The following NCOA4 variants were observed in gnomAD, a reference collection of about 807,000 sequenced individuals.
NCOA4 encodes the protein nuclear receptor coactivator 4, also known as 70 kDa AR-activator.
A neutral mutation model predicts 69.5 loss-of-function variants in NCOA4; 31 were observed. The observed-to-expected ratio is 0.45, with a 90% confidence interval of 0.34 to 0.60. NCOA4 has a LOEUF of 0.60. Among genes scored for constraint, NCOA4 ranks in the 20% least tolerant of loss-of-function variants. The pLI, the probability that NCOA4 is intolerant of heterozygous loss-of-function variation, is 0.02. For synonymous variants in NCOA4, 228 were observed against 252.4 expected, an observed-to-expected ratio of 0.90 and a Z score of 0.92; for missense variants, 600 against 719.2, an observed-to-expected ratio of 0.83 and a Z score of 1.90.
intron 1 of NCOA4, chr10:46,022,431 T>C (rs1294601841): frequency 6.5e-6 from 3 of 462,986 alleles, no homozygotes; most frequent in Non-Finnish European, 1.3e-5. Context: ...ACTTCACACG[T>C]TCTTTCTTCC....
intron 5 of NCOA4, among the ~76,000 whole-genome samples, chr10:46,014,030 ATT>A (rs58918538): frequency 1.4e-5 from 2 of 147,158 alleles, no homozygotes; most frequent in Non-Finnish European, 1.5e-5. Flanking sequence ...CAGAATATGA[ATT>A]TTTTTTTTTT....
At chr10:46,029,829 T>C (rs1840360444) in intron 1 of NCOA4, among the ~76,000 whole-genome samples, 1 of 152,162 alleles carries the variant, frequency 6.6e-6, no homozygotes, top group Non-Finnish European at 1.5e-5. Context: ...TAGGTGTCCA[T>C]TTTTTTCATT....
Position 46,020,706 on chromosome 10 carries a change from A to G in NCOA4, c.-14-4012T>C, listed in dbSNP as rs192711693. Among the ~76,000 whole-genome samples, 18 of 152,346 alleles carry G rather than the reference A, an allele frequency of 1.2e-4. 1 individual carries two copies. In the East Asian group the frequency reaches 2.3e-3, roughly 20 times the overall value. The stretch of plus-strand genomic sequence containing the variant: ...ATCTTTTATTTACTCCAAAAACTCA[A>G]TAGTCTAAATCCTCTAATATATACC... On this transcript the variant is annotated intron_variant, in intron 1 of 9. Transcript: ENST00000581486.
At chr10:46,024,433 TTC>T (rs1179904156) in intron 1 of NCOA4, among the ~76,000 whole-genome samples, 2 of 152,180 alleles carry the variant, frequency 1.3e-5, no homozygotes, top group East Asian at 1.9e-4. Context: ...ACGGTCTCTG[TTC>T]TCTCTCTAAA....
At chr10:46,028,762 A>G (rs1247838792) in intron 1 of NCOA4, among the ~76,000 whole-genome samples, 2 of 152,116 alleles carry the variant, frequency 1.3e-5, no homozygotes, top group African/African-American at 4.8e-5. Flanking sequence ...TGAGAACACA[A>G]TGGTGAGCTT....
chr10:46,023,313 T>C lies in NCOA4; in HGVS notation c.-14-6619A>G, dbSNP rs1839992281. 5 of 985,394 alleles carry C rather than the reference T, an allele frequency of 5.1e-6. No homozygotes were observed. The South Asian group carries it at 1.9e-4, about 37-fold the overall frequency. The allele number at this position is 985,394 out of a possible 1,614,324, so 61.0% of individuals were successfully genotyped here. A position where few individuals can be genotyped will look rare whatever the true frequency, so the allele number is the denominator to read the frequency against. On this transcript the variant is annotated intron_variant, in intron 1 of 9. Coordinates refer to ENST00000581486, the MANE Select transcript of NCOA4 (RefSeq NM_001145263.2). ...CCTCAAGGGCTCCCGCTACGGCCCCTGGGCTGCCAGACGTACCTCACAGGC... is the reference window on the plus strand; with the variant it reads ...CCTCAAGGGCTCCCGCTACGGCCCCCGGGCTGCCAGACGTACCTCACAGGC...
Position 46,011,001 on chromosome 10 carries a change from G to T in NCOA4, c.920C>A (p.Thr307Asn), listed in dbSNP as rs782289899. The T allele has an allele frequency of 6.2e-7, 1 of 1,613,958 alleles. No homozygotes were observed. Among genetic ancestry groups the T allele is most frequent in the Admixed American group, 1.7e-5 (1 of 60,020 alleles). The stretch of plus-strand genomic sequence containing the variant: ...CCGCAGCTTATGGGATTCCTGGGGA[G>T]TCACTAGCCAATCTGATAGGTCCAT... ...DEMDLSDWLV[T>N]PQESHKLRKP... Residue 307 changes from threonine (T) to asparagine (N), a missense_variant, in exon 8 of 10, where the codon ACT becomes AAT. By Grantham distance (65) the Thr-to-Asn change is moderately conservative (BLOSUM62 0). Transcript: ENST00000581486.
intron 1 of NCOA4, among the ~76,000 whole-genome samples, chr10:46,028,454 A>G (rs1840274755): frequency 6.6e-6 from 1 of 151,984 alleles, no homozygotes; most frequent in Non-Finnish European, 1.5e-5. Context: ...ATTTACATCT[A>G]GTCTACTATG....
intron 7 of NCOA4, among the ~76,000 whole-genome samples, chr10:46,012,441 T>C (rs1839290768): frequency 6.6e-6 from 1 of 152,138 alleles, no homozygotes; most frequent in Admixed American, 6.5e-5. Context: ...CCAGAAAAAC[T>C]TGAATTTAAA....
chr10:46,009,629 A>G, intron 8 of NCOA4, 78 bp from the exon 9 acceptor site: 1 of 1,319,496 alleles, frequency 7.6e-7, no homozygotes, highest in Non-Finnish European at 1.0e-6. Context: ...AATAGGGTCT[A>G]CAGAGAATAA....
At chr10:46,016,907 T>C (rs1226036858) in intron 1 of NCOA4, among the ~76,000 whole-genome samples, 4 of 152,216 alleles carry the variant, frequency 2.6e-5, no homozygotes, top group Non-Finnish European at 5.9e-5. Context: ...TATAATCTAC[T>C]TTAGTGACAC....
rs1554919670 is a variant in NCOA4 at position 46,006,257 on chromosome 10, T to TTAATG, written c.*330_*334dup. ...ATATACTTCGATAAACAAGAGTGTT[T>TTAATG]TAATGTACTTTTAGTAACGACCCAA... On this transcript the variant is annotated 3_prime_UTR_variant, in exon 10 of 10. Transcript: ENST00000581486. 1 of 363,736 alleles carries TTAATG rather than the reference T, an allele frequency of 2.7e-6. No homozygotes were observed. Among genetic ancestry groups the TTAATG allele is most frequent in the African/African-American group, 2.0e-5 (1 of 50,228 alleles). 22.5% of individuals were successfully genotyped at this position (363,736 alleles called of 1,614,324 possible). A position where few individuals can be genotyped will look rare whatever the true frequency, so the allele number is the denominator to read the frequency against.
At chr10:46,016,768 T>C in intron 1 of NCOA4, 74 bp from the exon 2 acceptor site, 3 of 1,125,306 alleles carry the variant, frequency 2.7e-6, no homozygotes, top group Non-Finnish European at 3.5e-6. Context: ...ATCCCTCAAA[T>C]GATCATTCCA....
chr10:46,015,079 A>G lies in NCOA4; in HGVS notation c.282+47T>C, dbSNP rs781990404. On this transcript the variant is annotated intron_variant, in intron 3 of 9. Coordinates refer to ENST00000581486, the MANE Select transcript of NCOA4 (RefSeq NM_001145263.2). The stretch of plus-strand genomic sequence containing the variant: ...CATTACAAGGAAGATACTCTCTGGC[A>G]ACCAGAAGCCATGCTCAAACCAATT... 8.1e-6 allele frequency: 13 copies of G among 1,612,902 alleles called. No individual in the cohort carries two copies. The South Asian group carries it at 1.4e-4, about 18-fold the overall frequency.
At chr10:46,012,108 A>G (rs1237130466) in intron 7 of NCOA4, among the ~76,000 whole-genome samples, 3 of 148,016 alleles carry the variant, frequency 2.0e-5, no homozygotes, top group Non-Finnish European at 4.5e-5. Context: ...AAAAAACGAA[A>G]AAAGAAAATA....
Position 46,010,518 on chromosome 10 carries a change from ATTAC to A in NCOA4, c.1399_1402del (p.Val467Ter). ...TGCCTTTGGTGCTTTAGTTTGTTCT[ATTAC>A]TTCTTTTCTAGGACAGAGCCACATA... On this transcript the variant is annotated frameshift_variant, in exon 8 of 10. Transcript: ENST00000581486. LOFTEE classifies it high-confidence loss of function. 1.2e-6 allele frequency: 2 copies of A among 1,614,068 alleles called. No homozygotes were observed. Among genetic ancestry groups the A allele is most frequent in the Non-Finnish European group, 8.5e-7 (1 of 1,180,022 alleles).
Position 46,006,286 on chromosome 10 carries a change from A to G in NCOA4, c.*306T>C, listed in dbSNP as rs1191212524. On this transcript the variant is annotated 3_prime_UTR_variant, in exon 10 of 10. Transcript: ENST00000581486. ...TGTACTTTTAGTAACGACCCAATCT[A>G]AGGAGCCTTGGAGGCTTGTGAAAAA... 6 of 429,534 alleles carry G rather than the reference A, an allele frequency of 1.4e-5. No homozygotes were observed. In the Admixed American group the frequency reaches 1.9e-4, roughly 13 times the overall value. The allele number at this position is 429,534 out of a possible 1,614,324, so 26.6% of individuals were successfully genotyped here. A position where few individuals can be genotyped will look rare whatever the true frequency, so the allele number is the denominator to read the frequency against.
intron 7 of NCOA4, among the ~76,000 whole-genome samples, chr10:46,011,934 G>T (rs973417826): frequency 6.6e-6 from 1 of 151,422 alleles, no homozygotes; most frequent in Non-Finnish European, 1.5e-5. Context: ...GGTGGCAAGC[G>T]CCTGTAATCC....
In NCOA4 at chr10:46,012,939, G is replaced by C. The variant is rs1554922064; in HGVS notation, c.658C>G (p.Pro220Ala). Residue 220 changes from proline (P) to alanine (A), a missense_variant, in exon 7 of 10, where the codon CCC becomes GCC. Transcript: ENST00000581486. ...PASGYQAPYI[P>A]STDPQDWLTQ... ...AGCCAGTCCTGGGGGTCGGTGCTGGGTATGTAAGGAGCTTGATAACCACTG... is the reference window on the plus strand; with the variant it reads ...AGCCAGTCCTGGGGGTCGGTGCTGGCTATGTAAGGAGCTTGATAACCACTG... 6 of 1,614,052 alleles carry C rather than the reference G, an allele frequency of 3.7e-6. No individual in the cohort carries two copies. The highest frequency in any genetic ancestry group is 1.3e-5 in the African/African-American group (1 of 74,908).
Sources: allele counts gnomAD v4.1 joint callset (sites outside exome capture counted in the v4.1 genomes callset), GRCh38; gene constraint gnomAD v4.1.1; transcripts MANE v1.5; gene names NCBI Gene and HGNC (gene_info 2026-07-23, HGNC 2026-07-21).